AGMO: variants seen among roughly 807,000 people sequenced by gnomAD.
AGMO encodes the protein alkylglycerol monooxygenase.
A neutral mutation model predicts 60.2 loss-of-function variants in AGMO; 75 were observed. That is an observed-to-expected ratio of 1.25 (90% confidence interval 1.03 to 1.51). The LOEUF is 1.51. Among genes scored for constraint, AGMO ranks in the 40% most tolerant of loss-of-function variants. The pLI is 0.00. For missense variants in AGMO, 763 were observed against 525.5 expected, an observed-to-expected ratio of 1.45 and a Z score of -4.42; for synonymous variants, 261 against 177.1, an observed-to-expected ratio of 1.47 and a Z score of -3.76.
chr7:15,538,800 CTTTAAA>C (rs1784543819), intron 3 of AGMO, among the ~76,000 whole-genome samples: 1 of 152,154 alleles, frequency 6.6e-6, no homozygotes, highest in South Asian at 2.1e-4. Context: ...CAATGAATAA[CTTTAAA>C]TTTAAGAGTC....
At chr7:15,369,127 T>C (rs985890380) in intron 10 of AGMO, among the ~76,000 whole-genome samples, 1 of 151,962 alleles carries the variant, frequency 6.6e-6, no homozygotes, top group African/African-American at 2.4e-5. Context: ...TTAAAATATA[T>C]CCAGAATAAA....
intron 12 of AGMO, among the ~76,000 whole-genome samples, chr7:15,291,701 C>T (rs796823436): frequency 2.0e-5 from 3 of 152,198 alleles, no homozygotes; most frequent in African/African-American, 4.8e-5. Flanking sequence ...AATACCTAGC[C>T]TAACAGGATT....
intron 12 of AGMO, among the ~76,000 whole-genome samples, chr7:15,265,098 A>G (rs1583342516): frequency 6.6e-6 from 1 of 152,144 alleles, no homozygotes; most frequent in Admixed American, 6.6e-5. Context: ...ATACTATGCA[A>G]CTATTAAAAA....
At chr7:15,540,740 T>A (rs1479553871) in intron 3 of AGMO, among the ~76,000 whole-genome samples, 1 of 152,228 alleles carries the variant, frequency 6.6e-6, no homozygotes. Flanking sequence ...CATAACCTCT[T>A]GTATTGTTTT....
rs551362160 is a variant in AGMO, at chr7:15,373,985, A to G, written c.1075-7763T>C. Among the ~76,000 whole-genome samples the G allele has an allele frequency of 7.8e-4, 119 of 152,308 alleles. 1 individual carries two copies. Among genetic ancestry groups the G allele is most frequent in the African/African-American group, 2.8e-3 (117 of 41,578 alleles). On this transcript the variant is annotated intron_variant, in intron 10 of 12. Transcript: ENST00000342526. ...GCAGATTGGCTTTCTTGGCATACTTATCCCTGCTGCCATTATTAATATCTC... is the reference window on the plus strand; with the variant it reads ...GCAGATTGGCTTTCTTGGCATACTTGTCCCTGCTGCCATTATTAATATCTC...
At chr7:15,394,250 A>G (rs1784276439) in intron 5 of AGMO, 71 bp from the exon 6 acceptor site, 1 of 1,134,022 alleles carries the variant, frequency 8.8e-7, no homozygotes, top group Non-Finnish European at 1.3e-6. Flanking sequence ...AAATGCTCAC[A>G]TTAGAAACTC....
At chr7:15,418,141 T>G (rs886192572) in intron 5 of AGMO, among the ~76,000 whole-genome samples, 2 of 152,066 alleles carry the variant, frequency 1.3e-5, no homozygotes, top group African/African-American at 4.8e-5. Context: ...TTTTCATAAT[T>G]TCTATACAAT....
intron 9 of AGMO, 24 bp downstream of exon 9, chr7:15,387,382 T>C: frequency 6.2e-7 from 1 of 1,608,692 alleles, no homozygotes; most frequent in Non-Finnish European, 8.5e-7. Context: ...CTTCACCATC[T>C]CCAATTCTGT....
chr7:15,228,134 C>T (rs908496527), intron 12 of AGMO, among the ~76,000 whole-genome samples: 10 of 151,958 alleles, frequency 6.6e-5, no homozygotes, highest in Non-Finnish European at 1.2e-4. Context: ...AATAAAACTC[C>T]ATTTTCTTTC....
intron 5 of AGMO, among the ~76,000 whole-genome samples, chr7:15,400,253 C>T (rs1394711327): frequency 6.6e-6 from 1 of 152,060 alleles, no homozygotes; most frequent in Non-Finnish European, 1.5e-5. Flanking sequence ...CAGCGGTTCT[C>T]AAATTGGGGT....
intron 12 of AGMO, among the ~76,000 whole-genome samples, chr7:15,272,140 T>A (rs1783630100): frequency 6.6e-6 from 1 of 152,088 alleles, no homozygotes; most frequent in Non-Finnish European, 1.5e-5. Flanking sequence ...TTTTTTTCTT[T>A]TTTTTATTAT....
intron 5 of AGMO, among the ~76,000 whole-genome samples, chr7:15,408,109 T>A (rs1784752936): frequency 6.6e-6 from 1 of 151,828 alleles, no homozygotes; most frequent in African/African-American, 2.4e-5. Context: ...AGAGAGAACA[T>A]GTGCAAATAC....
At chr7:15,238,122 G>A (rs1214326340) in intron 12 of AGMO, among the ~76,000 whole-genome samples, 1 of 151,628 alleles carries the variant, frequency 6.6e-6, no homozygotes, top group Non-Finnish European at 1.5e-5. Flanking sequence ...TTGGAGCTGA[G>A]GTCAATTTCT....
At chr7:15,128,174 C>A in the AGMO span, among the ~76,000 whole-genome samples, 7 of 152,152 alleles carry the variant, frequency 4.6e-5, no homozygotes, top group East Asian at 1.2e-3. Flanking sequence ...TGGCAGACAC[C>A]TTCAGAGGAG....
intron 5 of AGMO, among the ~76,000 whole-genome samples, chr7:15,404,063 A>G (rs1784624494): frequency 6.6e-6 from 1 of 151,956 alleles, no homozygotes; most frequent in South Asian, 2.1e-4. Flanking sequence ...CTAAGGAGTG[A>G]AAAAACAATA....
the AGMO span, among the ~76,000 whole-genome samples, chr7:15,170,868 G>A: frequency 3.9e-5 from 6 of 152,120 alleles, no homozygotes; most frequent in Non-Finnish European, 7.4e-5. Flanking sequence ...TTTGAAGATC[G>A]TGATGGTTTT....
chr7:15,364,696 A>C (rs939138685), intron 12 of AGMO, among the ~76,000 whole-genome samples: 3 of 152,066 alleles, frequency 2.0e-5, no homozygotes, highest in African/African-American at 7.2e-5. Context: ...GATATCTCCA[A>C]ATTACCTCCA....
chr7:15,463,633 C>T (rs1392838177), intron 3 of AGMO, among the ~76,000 whole-genome samples: 4 of 152,072 alleles, frequency 2.6e-5, no homozygotes, highest in Non-Finnish European at 4.4e-5. Context: ...TCAAGAAGTA[C>T]ATCCAGGTAT....
chr7:15,509,014 C>A (rs996020552), intron 3 of AGMO, among the ~76,000 whole-genome samples: 2 of 152,174 alleles, frequency 1.3e-5, no homozygotes, highest in Non-Finnish European at 2.9e-5. Context: ...CTATCCCTTA[C>A]AATTCTACAG....
Sources: allele counts gnomAD v4.1 joint callset (sites outside exome capture counted in the v4.1 genomes callset), GRCh38; gene constraint gnomAD v4.1.1; transcripts MANE v1.5; gene names NCBI Gene and HGNC (gene_info 2026-07-23, HGNC 2026-07-21).